The following CACNB2 variants were observed in gnomAD, a reference collection of about 807,000 sequenced individuals.
CACNB2 encodes voltage-dependent L-type calcium channel subunit beta-2.
In CACNB2, 42 loss-of-function variants were observed where a neutral mutation model predicts 73.3. That is an observed-to-expected ratio of 0.57 (90% CI 0.45 to 0.74). The LOEUF (loss-of-function observed/expected upper bound fraction) is 0.74. Ranked by LOEUF, CACNB2 falls within the 30% of genes least tolerant of loss-of-function variation. The pLI is 0.00. For missense variants in CACNB2, 940 were observed against 853.0 expected (o/e 1.10, Z -1.27); for synonymous variants, 348 against 310.3 (o/e 1.12, Z -1.28).
At chr10:18,390,490 G>A (rs1204345103) in intron 2 of CACNB2, among the ~76,000 whole-genome samples, 2 of 152,334 alleles carry the variant, frequency 1.3e-5, no homozygotes, top group African/African-American at 2.4e-5. Flanking sequence ...GGGATTACAG[G>A]CATGAGCCAC....
intron 2 of CACNB2, among the ~76,000 whole-genome samples, chr10:18,293,908 A>G (rs756037620): frequency 6.6e-6 from 1 of 152,212 alleles, no homozygotes; most frequent in Admixed American, 6.5e-5. Context: ...TCATTGCTTC[A>G]GTTTTCACCA....
intron 3 of CACNB2, among the ~76,000 whole-genome samples, chr10:18,455,460 C>T (rs2047232591): frequency 6.6e-6 from 1 of 152,164 alleles, no homozygotes; most frequent in Non-Finnish European, 1.5e-5. Flanking sequence ...ATCTGGTTTA[C>T]ATTCTGCTAT....
intron 5 of CACNB2, among the ~76,000 whole-genome samples, chr10:18,504,924 C>A (rs777650329): frequency 2.0e-5 from 3 of 152,146 alleles, no homozygotes; most frequent in Non-Finnish European, 4.4e-5. Context: ...GGATTACAGG[C>A]GTGAGCCACC....
At chr10:18,403,071 A>G (rs549432071) in intron 3 of CACNB2, among the ~76,000 whole-genome samples, 24 of 152,168 alleles carry the variant, frequency 1.6e-4, no homozygotes, top group Non-Finnish European at 2.8e-4. Flanking sequence ...AACTGCCAGG[A>G]GACCTTGACT....
chr10:18,344,535 A>AT lies in CACNB2; in HGVS notation c.214-57381dup, dbSNP rs562411154. On this transcript the variant is annotated intron_variant, in intron 2 of 13. Coordinates refer to ENST00000324631, the MANE Select transcript of CACNB2 (RefSeq NM_201596.3). ...AGGCGTCCTCCACCAACCCCAGCTAATTTTTTTTGTATTTTTAGTAGAGAC... is the reference window on the plus strand; with the variant it reads ...AGGCGTCCTCCACCAACCCCAGCTAATTTTTTTTTGTATTTTTAGTAGAGAC... 6.1e-3 allele frequency among the ~76,000 whole-genome samples: 918 copies of AT among 151,600 alleles called. 3 individuals carry two copies. Among genetic ancestry groups the AT allele is most frequent in the Middle Eastern group, 0.037 (11 of 294 alleles).
intron 1 of CACNB2, among the ~76,000 whole-genome samples, chr10:18,143,135 A>G (rs1322515850): frequency 6.6e-6 from 1 of 152,236 alleles, no homozygotes; most frequent in Admixed American, 6.5e-5. Flanking sequence ...GCAATTTGAG[A>G]CTACATCTTG....
chr10:18,150,855 C>CTTTTTTTTTTG, intron 1 of CACNB2, 28 bp from the exon 2 acceptor site: 1 of 483,392 alleles, frequency 2.1e-6, no homozygotes, highest in Admixed American at 4.3e-5. Context: ...TCTTATTTGT[C>CTTTTTTTTTTG]TTTTTTTTTT....
In CACNB2 at chr10:18,473,693, C is replaced by G. The variant is rs559572111; in HGVS notation, c.334-24662C>G. Among the ~76,000 whole-genome samples the G allele has an allele frequency of 5.3e-5, 8 of 152,324 alleles. No individual in the cohort carries two copies. The South Asian group carries it at 1.7e-3, about 32-fold the overall frequency. ...TCTTATCAGTCACCCGGAGAATTCA[C>G]GTAACTTGCTTTAAATAGCCGAAGT... On this transcript the variant is annotated intron_variant, in intron 3 of 13. Coordinates refer to ENST00000324631, the MANE Select transcript of CACNB2 (RefSeq NM_201596.3).
chr10:18,196,571 A>T (rs980516184), intron 2 of CACNB2, among the ~76,000 whole-genome samples: 3 of 151,704 alleles, frequency 2.0e-5, no homozygotes, highest in African/African-American at 7.3e-5. Flanking sequence ...GTCCACCTCA[A>T]CCTCCCGAAG....
chr10:18,315,931 C>T (rs76191935), intron 2 of CACNB2, among the ~76,000 whole-genome samples: 2,541 of 152,174 alleles, frequency 0.017, 85 homozygotes, highest in Admixed American at 0.076. Context: ...TAATGAACTT[C>T]GGAGTACAGA....
At chr10:18,340,602 GA>G in intron 2 of CACNB2, 1 of 1,025,110 alleles carries the variant, frequency 9.8e-7, no homozygotes, top group Non-Finnish European at 1.3e-6. Flanking sequence ...ACTGTACTTT[GA>G]CAAGTTTGCA....
At chr10:18,492,034 G>A (rs1391946362) in intron 3 of CACNB2, among the ~76,000 whole-genome samples, 1 of 152,092 alleles carries the variant, frequency 6.6e-6, no homozygotes, top group African/African-American at 2.4e-5. Flanking sequence ...GGCTTCTAGG[G>A]GAGGCCTCAG....
intron 3 of CACNB2, among the ~76,000 whole-genome samples, chr10:18,490,477 C>T (rs558413880): frequency 6.6e-6 from 1 of 152,218 alleles, no homozygotes; most frequent in Admixed American, 6.5e-5. Flanking sequence ...CTGACATCAC[C>T]TCTTGGGCCT....
At chr10:18,403,133 C>T (rs1024198770) in intron 3 of CACNB2, among the ~76,000 whole-genome samples, 4 of 152,138 alleles carry the variant, frequency 2.6e-5, no homozygotes, top group Admixed American at 6.5e-5. Flanking sequence ...CCTCGCCTGG[C>T]AGGGAAATTT....
chr10:18,158,696 C>CT, intron 2 of CACNB2, among the ~76,000 whole-genome samples: 1 of 152,250 alleles, frequency 6.6e-6, no homozygotes, highest in South Asian at 2.1e-4. Context: ...AAAAAAATCT[C>CT]TAAGTTTAGT....
At chr10:18,446,989 G>T (rs1264532466) in intron 3 of CACNB2, among the ~76,000 whole-genome samples, 1 of 151,936 alleles carries the variant, frequency 6.6e-6, no homozygotes, top group East Asian at 1.9e-4. Flanking sequence ...AGCACAGAAG[G>T]TTGAGGCTGC....
intron 2 of CACNB2, among the ~76,000 whole-genome samples, chr10:18,352,226 A>C (rs2041738927): frequency 6.6e-6 from 1 of 152,216 alleles, no homozygotes; most frequent in Non-Finnish European, 1.5e-5. Flanking sequence ...TTCTGATCGC[A>C]TGAGTTGAGT....
rs187021119 is a variant in CACNB2 at position 18,257,973 on chromosome 10, A to G, written c.213+106998A>G. Reference sequence around the variant, plus strand: ...TGGTCAGGCTGGTCTCAAACTTCTGACCTCAGGTGATCTGCCCACCTGGGC... The same window carrying G: ...TGGTCAGGCTGGTCTCAAACTTCTGGCCTCAGGTGATCTGCCCACCTGGGC... On this transcript the variant is annotated intron_variant, in intron 2 of 13. Transcript: ENST00000324631. Among the ~76,000 whole-genome samples the G allele has an allele frequency of 2.6e-5, 4 of 152,178 alleles. No homozygotes were observed. The East Asian group carries it at 5.8e-4, about 22-fold the overall frequency.
intron 2 of CACNB2, among the ~76,000 whole-genome samples, chr10:18,293,330 C>T (rs1465359438): frequency 6.6e-6 from 1 of 152,208 alleles, no homozygotes; most frequent in Non-Finnish European, 1.5e-5. Flanking sequence ...TGGTGAGTTT[C>T]TTTCCCTCCT....
Sources: gnomAD v4.1 joint callset for allele counts (sites outside exome capture counted in the v4.1 genomes callset) on GRCh38, gnomAD v4.1.1 for gene constraint, MANE v1.5 for transcripts, NCBI Gene and HGNC (gene_info 2026-07-23, HGNC 2026-07-21) for gene names.